The following PLD5 variants were observed in gnomAD, a reference collection of about 807,000 sequenced individuals.
The protein encoded by PLD5 is phospholipase D family member 5.
A neutral mutation model predicts 61.1 loss-of-function variants in PLD5; 36 were observed. The ratio of observed to expected loss-of-function variants is 0.59; its 90% CI spans 0.45 to 0.78. PLD5 has a LOEUF of 0.78. Ranked by LOEUF, PLD5 falls within the 30% of genes least tolerant of loss-of-function variation. The pLI is 0.00. For synonymous variants in PLD5, 243 were observed against 242.8 expected (o/e 1.00, Z -0.01); for missense variants, 515 against 644.4 (o/e 0.80, Z 2.17).
intron 1 of PLD5, among the ~76,000 whole-genome samples, chr1:242,515,718 T>C (rs1379576610): frequency 1.3e-5 from 2 of 152,224 alleles, no homozygotes; most frequent in Admixed American, 6.5e-5. Flanking sequence ...ATATTAGGGA[T>C]GCATCCTACT....
intron 2 of PLD5, among the ~76,000 whole-genome samples, chr1:242,318,143 G>A (rs1448770829): frequency 6.6e-6 from 1 of 152,230 alleles, no homozygotes; most frequent in Non-Finnish European, 1.5e-5. Flanking sequence ...ATGGCATTGT[G>A]TAGGACAAAA....
At chr1:242,179,045 A>G (rs980968889) in intron 5 of PLD5, among the ~76,000 whole-genome samples, 2 of 152,236 alleles carry the variant, frequency 1.3e-5, no homozygotes, top group Non-Finnish European at 2.9e-5. Flanking sequence ...CCAGTTGTTC[A>G]TCTACTTGTT....
At chr1:242,274,978 A>G (rs1674331927) in intron 3 of PLD5, among the ~76,000 whole-genome samples, 1 of 152,206 alleles carries the variant, frequency 6.6e-6, no homozygotes, top group African/African-American at 2.4e-5. Flanking sequence ...CTACACCTAG[A>G]AATCTATCCC....
chr1:242,337,854 G>T (rs1295142444), intron 2 of PLD5, among the ~76,000 whole-genome samples: 1 of 152,150 alleles, frequency 6.6e-6, no homozygotes, highest in Non-Finnish European at 1.5e-5. Context: ...TAAGTTTCAT[G>T]TTGCAAACAT....
chr1:242,484,721 C>T (rs1051630621), intron 1 of PLD5, among the ~76,000 whole-genome samples: 1 of 152,178 alleles, frequency 6.6e-6, no homozygotes, highest in African/African-American at 2.4e-5. Context: ...AGGCTAGCAT[C>T]ATCCTGATAC....
intron 1 of PLD5, among the ~76,000 whole-genome samples, chr1:242,394,924 G>GAA (rs1374686376): frequency 3.7e-5 from 2 of 54,784 alleles, no homozygotes; most frequent in African/African-American, 7.4e-5. Context: ...ATGTATATAT[G>GAA]TATACATTAT....
chr1:242,522,861 A>T (rs1397360372), intron 1 of PLD5, among the ~76,000 whole-genome samples: 1 of 152,208 alleles, frequency 6.6e-6, no homozygotes, highest in Non-Finnish European at 1.5e-5. Flanking sequence ...CTCTCTACAC[A>T]TAAAATAGTG....
intron 1 of PLD5, among the ~76,000 whole-genome samples, chr1:242,512,636 T>C (rs1668966258): frequency 6.6e-6 from 1 of 152,156 alleles, no homozygotes; most frequent in Non-Finnish European, 1.5e-5. Flanking sequence ...CATATGGAAG[T>C]TGAAACTCCC....
chr1:242,228,414 C>G (rs1671090280), intron 4 of PLD5, among the ~76,000 whole-genome samples: 1 of 152,156 alleles, frequency 6.6e-6, no homozygotes, highest in South Asian at 2.1e-4. Flanking sequence ...ATGGGAAAGC[C>G]TAGGTCCCAT....
intron 3 of PLD5, among the ~76,000 whole-genome samples, chr1:242,281,740 T>A (rs1674731015): frequency 2.6e-5 from 4 of 152,226 alleles, no homozygotes; most frequent in Middle Eastern, 3.4e-3. Flanking sequence ...GGGTGAACAG[T>A]CCTTCTAGAT....
At chr1:242,427,746 G>T (rs915249456) in intron 1 of PLD5, among the ~76,000 whole-genome samples, 3 of 152,196 alleles carry the variant, frequency 2.0e-5, no homozygotes, top group African/African-American at 7.2e-5. Flanking sequence ...GGCACCAACA[G>T]ACAGCAGAGA....
intron 2 of PLD5, among the ~76,000 whole-genome samples, chr1:242,305,568 T>A (rs1676300324): frequency 6.6e-6 from 1 of 152,094 alleles, no homozygotes; most frequent in Admixed American, 6.5e-5. Flanking sequence ...CTTATTTTTT[T>A]TTCTTTTTTG....
intron 1 of PLD5, among the ~76,000 whole-genome samples, chr1:242,470,251 A>C (rs1163978356): frequency 6.6e-6 from 1 of 151,998 alleles, no homozygotes; most frequent in Non-Finnish European, 1.5e-5. Flanking sequence ...CTGAGGCAGG[A>C]GAATGGCGTG....
intron 2 of PLD5, among the ~76,000 whole-genome samples, chr1:242,298,934 A>G (rs1558442093): frequency 6.6e-6 from 1 of 152,124 alleles, no homozygotes; most frequent in African/African-American, 2.4e-5. Context: ...TTTCACTAAT[A>G]TAAGATGTGG....
chr1:242,413,311 T>C (rs1299763458), intron 1 of PLD5, among the ~76,000 whole-genome samples: 8 of 149,272 alleles, frequency 5.4e-5, no homozygotes, highest in African/African-American at 1.2e-4. Context: ...TGATCTCTCT[T>C]TTTTTTTTTT....
intron 1 of PLD5, among the ~76,000 whole-genome samples, chr1:242,503,669 A>G (rs1325994188): frequency 6.6e-6 from 1 of 152,194 alleles, no homozygotes; most frequent in African/African-American, 2.4e-5. Flanking sequence ...GAATAGCCGT[A>G]TGGAACTCTT....
chr1:242,502,301 G>A (rs771611729), intron 1 of PLD5, among the ~76,000 whole-genome samples: 7 of 152,138 alleles, frequency 4.6e-5, no homozygotes, highest in Non-Finnish European at 1.0e-4. Context: ...TTACCCAAGA[G>A]GAAACTGAGT....
rs1408441147 is a variant in PLD5 at position 242,281,328 on chromosome 1, G to T, written c.495+7034C>A. Among the ~76,000 whole-genome samples the T allele has an allele frequency of 5.9e-5, 9 of 152,206 alleles. No homozygotes were observed. In the East Asian group the frequency reaches 1.7e-3, roughly 29 times the overall value. On this transcript the variant is annotated intron_variant, in intron 3 of 9. Coordinates refer to ENST00000536534, the MANE Select transcript of PLD5 (RefSeq NM_001372062.1). Reference sequence around the variant, plus strand: ...AGGAATGAGTGGGCTACCAGGTAGCGCCTGGAGACCTGAGTCACACATGGA... The same window carrying T: ...AGGAATGAGTGGGCTACCAGGTAGCTCCTGGAGACCTGAGTCACACATGGA...
At chr1:242,291,345 T>C (rs1440458894) in intron 2 of PLD5, among the ~76,000 whole-genome samples, 1 of 152,150 alleles carries the variant, frequency 6.6e-6, no homozygotes, top group Non-Finnish European at 1.5e-5. Context: ...CCTTCCTTGA[T>C]GGATTATAGG....
Sources: gnomAD v4.1 joint callset for allele counts (sites outside exome capture counted in the v4.1 genomes callset) on GRCh38, gnomAD v4.1.1 for gene constraint, MANE v1.5 for transcripts, NCBI Gene and HGNC (gene_info 2026-07-23, HGNC 2026-07-21) for gene names.